Variants in IQSEC1 observed in about 807,000 individuals in gnomAD.
The protein encoded by IQSEC1 is IQ motif and SEC7 domain-containing protein 1.
A neutral mutation model predicts 91.0 loss-of-function variants in IQSEC1; 31 were observed. The observed-to-expected ratio is 0.34, with a 90% CI of 0.26 to 0.46. The LOEUF (loss-of-function observed/expected upper bound fraction) is 0.46. IQSEC1 is among the 20% of genes least tolerant of loss of function. The pLI is 1.00. For missense variants in IQSEC1, 1,388 were observed against 1,575.6 expected (o/e 0.88, Z 2.02); for synonymous variants, 699 against 662.6 (o/e 1.05, Z -0.84).
At position 13,230,763 on chromosome 3, in the gene IQSEC1, A is replaced by G. The variant is rs142493799; in HGVS notation, c.272+51948T>C. Among the ~76,000 whole-genome samples the G allele has an allele frequency of 2.9e-3, 441 of 152,342 alleles. 2 individuals are homozygous for G. Among genetic ancestry groups the G allele is most frequent in the African/African-American group, 0.01 (424 of 41,564 alleles). ...TTTGGCACCCTTAACTATAAGAAAG[A>G]TTTCCTTAACTATAATTTTTCATTC... is the stretch of plus-strand genomic sequence containing the variant. On this transcript the variant is annotated intron_variant, in intron 1 of 15. Transcript: ENST00000648114.
intron 2 of IQSEC1, among the ~76,000 whole-genome samples, chr3:13,102,263 T>C (rs1375224881): frequency 1.3e-5 from 2 of 152,032 alleles, no homozygotes; most frequent in East Asian, 1.9e-4. Flanking sequence ...GCCTGGGTGA[T>C]GGAGCAAGAA....
chr3:13,019,308 G>A (rs1703291907), intron 1 of IQSEC1, among the ~76,000 whole-genome samples: 1 of 152,238 alleles, frequency 6.6e-6, no homozygotes, highest in South Asian at 2.1e-4. Context: ...TGGGCAGAGG[G>A]CCAGGGCTGG....
At chr3:13,191,009 C>A (rs1055818028) in intron 1 of IQSEC1, among the ~76,000 whole-genome samples, 2 of 152,162 alleles carry the variant, frequency 1.3e-5, no homozygotes, top group Non-Finnish European at 2.9e-5. Context: ...CTCCTCCTGC[C>A]CCCAACACAC....
chr3:13,219,403 C>A (rs1328863555), intron 1 of IQSEC1, among the ~76,000 whole-genome samples: 1 of 152,210 alleles, frequency 6.6e-6, no homozygotes, highest in African/African-American at 2.4e-5. Flanking sequence ...CCACAGCCCC[C>A]CAGGGAGCTC....
rs1027680372 is a variant in IQSEC1, at chr3:12,967,524, G to A, written c.24-25659C>T. 6.4e-6 allele frequency: 9 copies of A among 1,398,978 alleles called. No homozygotes were observed. The Admixed American group carries it at 1.0e-4, about 16-fold the overall frequency. 86.7% of individuals were successfully genotyped at this position (1,398,978 alleles called of 1,614,324 possible). On this transcript the variant is annotated intron_variant, in intron 1 of 13. Transcript: ENST00000613206. This position sits in a 1 kb window ranked among gnomAD's most constrained non-coding sequence, Gnocchi z 5.9. ...CAGCAGAGGCCGCCGACTCCCGCCA[G>A]CGAGCCGCCGGATCCCGGGGCCGAC... is the stretch of plus-strand genomic sequence containing the variant.
At chr3:13,187,784 T>A (rs1392323804) in intron 1 of IQSEC1, among the ~76,000 whole-genome samples, 2 of 152,308 alleles carry the variant, frequency 1.3e-5, no homozygotes, top group South Asian at 2.1e-4. Context: ...AAGTCCAAGA[T>A]CAAGGTGCCG....
chr3:13,141,844 A>G (rs1033687580), intron 2 of IQSEC1, among the ~76,000 whole-genome samples: 1 of 152,222 alleles, frequency 6.6e-6, no homozygotes, highest in African/African-American at 2.4e-5. Context: ...TGGAACCGTC[A>G]CTTCATCTTC....
chr3:13,231,616 G>T (rs1010692266), intron 1 of IQSEC1, among the ~76,000 whole-genome samples: 3 of 152,158 alleles, frequency 2.0e-5, no homozygotes, highest in Non-Finnish European at 4.4e-5. Flanking sequence ...GAACCTGGGG[G>T]ACACAAACAA....
intron 1 of IQSEC1, among the ~76,000 whole-genome samples, chr3:13,177,474 G>A (rs960112540): frequency 3.3e-5 from 5 of 152,238 alleles, no homozygotes; most frequent in Admixed American, 6.5e-5. Context: ...GCACTCCTGT[G>A]AACCTCATCT....
intron 1 of IQSEC1, among the ~76,000 whole-genome samples, chr3:13,173,378 C>T (rs1693654924): frequency 6.6e-6 from 1 of 152,234 alleles, no homozygotes; most frequent in Non-Finnish European, 1.5e-5. Flanking sequence ...TAAATAGGAC[C>T]TCAGCACCTG....
chr3:12,946,158 T>C (rs1258114044), intron 1 of IQSEC1, among the ~76,000 whole-genome samples: 1 of 152,208 alleles, frequency 6.6e-6, no homozygotes. Flanking sequence ...GGTGGGACTT[T>C]TGGGTTAGAG....
At chr3:13,276,992 AT>A (rs1695694906) in intron 1 of IQSEC1, among the ~76,000 whole-genome samples, 1 of 151,618 alleles carries the variant, frequency 6.6e-6, no homozygotes, top group African/African-American at 2.4e-5. Context: ...TTCTTGCCAA[AT>A]GCCTGGCTGG....
chr3:13,280,715 C>T (rs1030384613), intron 1 of IQSEC1, among the ~76,000 whole-genome samples: 8 of 152,222 alleles, frequency 5.3e-5, no homozygotes, highest in African/African-American at 1.9e-4. Flanking sequence ...GACCCACTGG[C>T]TCAGCATCTG....
At chr3:13,057,104 T>C (rs1164112497) in intron 1 of IQSEC1, among the ~76,000 whole-genome samples, 2 of 152,144 alleles carry the variant, frequency 1.3e-5, no homozygotes, top group Non-Finnish European at 2.9e-5. Context: ...CACGTTCCCC[T>C]GGTCTCTAGT....
chr3:13,149,186 G>A (rs1219609155), intron 2 of IQSEC1, among the ~76,000 whole-genome samples: 1 of 152,240 alleles, frequency 6.6e-6, no homozygotes, highest in East Asian at 1.9e-4. Context: ...ACATCCCAAA[G>A]CGCAGCTCAT....
chr3:13,107,240 C>T (rs748183743), intron 2 of IQSEC1, among the ~76,000 whole-genome samples: 1 of 152,228 alleles, frequency 6.6e-6, no homozygotes, highest in Non-Finnish European at 1.5e-5. Flanking sequence ...GACCCATGCA[C>T]AGATGGTCAG....
At chr3:12,911,393 C>T (rs1002696029) in intron 10 of IQSEC1, among the ~76,000 whole-genome samples, 1 of 152,208 alleles carries the variant, frequency 6.6e-6, no homozygotes, top group Non-Finnish European at 1.5e-5. Context: ...AACGAAGTAC[C>T]AGTAAAAGCA....
In IQSEC1 at chr3:13,242,661, A is replaced by T. The variant is rs1037434286; in HGVS notation, c.272+40050T>A. Reference sequence around the variant, plus strand: ...GCGACATGGGCCTGGTGACTCTGGCATCTGGGGCTGCACTCCTAGGATTGG... The same window carrying T: ...GCGACATGGGCCTGGTGACTCTGGCTTCTGGGGCTGCACTCCTAGGATTGG... On this transcript the variant is annotated intron_variant, in intron 1 of 15. Transcript: ENST00000648114. Among the ~76,000 whole-genome samples the T allele has an allele frequency of 4.6e-5, 7 of 152,184 alleles. No individual in the cohort carries two copies. In the South Asian group the frequency reaches 6.2e-4, roughly 13 times the overall value.
chr3:13,198,685 A>G (rs1220036354), intron 1 of IQSEC1, among the ~76,000 whole-genome samples: 1 of 152,172 alleles, frequency 6.6e-6, no homozygotes, highest in East Asian at 1.9e-4. Context: ...GTCCTCTTAC[A>G]CACCATGTGA....
Sources: gnomAD v4.1 joint callset for allele counts (sites outside exome capture counted in the v4.1 genomes callset) on GRCh38, gnomAD v4.1.1 for gene constraint, Gnocchi (gnomAD v3.1) non-coding constraint, MANE v1.5 for transcripts, NCBI Gene and HGNC (gene_info 2026-07-23, HGNC 2026-07-21) for gene names.